CETP: variants seen among roughly 807,000 people sequenced by gnomAD.
The protein encoded by CETP is cholesteryl ester transfer protein.
CETP carries 56 observed loss-of-function variants against 66.5 expected under a neutral mutation model. The observed-to-expected ratio is 0.84, with a 90% CI of 0.68 to 1.05. The LOEUF (loss-of-function observed/expected upper bound fraction) is 1.05, where lower values mean the gene tolerates loss of function less well. Ranked by LOEUF, CETP falls within the 50% of genes least tolerant of loss-of-function variation. CETP has a pLI of 0.00. For synonymous variants in CETP, 251 were observed against 245.7 expected, an observed-to-expected ratio of 1.02 and a Z score of -0.20; for missense variants, 612 against 609.6, an observed-to-expected ratio of 1.00 and a Z score of -0.04.
Position 56,978,105 on chromosome 16 carries a change from C to T in CETP, c.996C>T (p.Phe332=). The T allele has an allele frequency of 6.2e-7, 1 of 1,614,198 alleles. No homozygotes were observed. The highest frequency in any genetic ancestry group is 8.5e-7 in the Non-Finnish European group (1 of 1,180,016). ...QEIFQEVVGG[F]PSQAQVTVHC... ...GTCTTCCACAGGTTGTCGGCGGCTTCCCCAGCCAGGCCCAAGTCACCGTCC... is the reference window on the plus strand; with the variant it reads ...GTCTTCCACAGGTTGTCGGCGGCTTTCCCAGCCAGGCCCAAGTCACCGTCC... Residue 332 remains phenylalanine (F), a synonymous_variant, in exon 11 of 16, where the codon TTC becomes TTT. Coordinates refer to ENST00000200676, the MANE Select transcript of CETP (RefSeq NM_000078.3).
At chr16:56,980,120 C>A (rs935917060) in intron 11 of CETP, among the ~76,000 whole-genome samples, 1 of 152,262 alleles carries the variant, frequency 6.6e-6, no homozygotes, top group African/African-American at 2.4e-5. Flanking sequence ...AACATTGGTG[C>A]ATGACTGTTA....
chr16:56,966,384 G>T (rs1442903383), intron 2 of CETP, among the ~76,000 whole-genome samples: 1 of 152,098 alleles, frequency 6.6e-6, no homozygotes. Context: ...CCTGTCCTCT[G>T]GTTCTCTAGG....
At chr16:56,974,687 A>G (rs1277967603) in intron 9 of CETP, among the ~76,000 whole-genome samples, 1 of 152,252 alleles carries the variant, frequency 6.6e-6, no homozygotes, top group Non-Finnish European at 1.5e-5. Flanking sequence ...TGCAAACAAA[A>G]AAACCACAAA....
At position 56,981,639 on chromosome 16, in the gene CETP, T is replaced by A. The variant is rs1398421305; in HGVS notation, c.1215-8T>A. On this transcript the variant is annotated splice_region_variant and splice_polypyrimidine_tract_variant and intron_variant, in intron 12 of 15. Coordinates refer to ENST00000200676, the MANE Select transcript of CETP (RefSeq NM_000078.3). The stretch of plus-strand genomic sequence containing the variant: ...GAGGGTCAAATTATCATCGCTTTTT[T>A]ATTTCAGGATTACACCAAAGACTGT... The A allele has an allele frequency of 3.7e-6, 6 of 1,613,870 alleles. No homozygotes were observed. Among genetic ancestry groups the A allele is most frequent in the African/African-American group, 1.3e-5 (1 of 74,924 alleles).
chr16:56,980,965 G>T (rs1471796507), intron 11 of CETP, among the ~76,000 whole-genome samples, 193 bp from the exon 12 acceptor site: 1 of 152,126 alleles, frequency 6.6e-6, no homozygotes, highest in African/African-American at 2.4e-5. Context: ...GACTTCTCAG[G>T]TCCTAACCCC....
intron 13 of CETP, 66 bp downstream of exon 13, chr16:56,981,746 G>C (rs1239034429): frequency 6.5e-7 from 1 of 1,538,864 alleles, no homozygotes; most frequent in Non-Finnish European, 9.0e-7. Context: ...AAGAAAGCAG[G>C]CGGAGGGCCC....
At chr16:56,975,177 G>A in intron 10 of CETP, 26 bp downstream of exon 10, 1 of 1,611,754 alleles carries the variant, frequency 6.2e-7, no homozygotes, top group South Asian at 1.1e-5. Flanking sequence ...CCCTGTGTGG[G>A]GTTTATCTCA....
chr16:56,968,182 T>A (rs1369243433), intron 2 of CETP, among the ~76,000 whole-genome samples: 16 of 152,032 alleles, frequency 1.1e-4, no homozygotes, highest in African/African-American at 3.6e-4. Context: ...ACCTGCAACG[T>A]TTTGTCAATC....
Position 56,962,274 on chromosome 16 carries a change from C to T in CETP, c.118+177C>T, listed in dbSNP as rs551210586. On this transcript the variant is annotated intron_variant, in intron 1 of 15. Transcript: ENST00000200676. ...AGCTGTCATCACCCCCTCCTGACCT[C>T]GCCTTCAAGGTCAAGTTCTTTGGTG... 2.6e-5 allele frequency: 19 copies of T among 741,796 alleles called. No homozygotes were observed. In the South Asian group the frequency reaches 2.6e-4, roughly 10 times the overall value. The allele number at this position is 741,796 out of a possible 1,614,324, so 46.0% of individuals were successfully genotyped here.
chr16:56,971,228 G>A (rs953417499), intron 6 of CETP, 93 bp from the exon 7 acceptor site: 135 of 1,523,862 alleles, frequency 8.9e-5, no homozygotes, highest in East Asian at 4.5e-5. Flanking sequence ...CCCCTGTGCC[G>A]GTCCCCAGCA....
chr16:56,968,810 G>A (rs900023280), intron 2 of CETP, among the ~76,000 whole-genome samples: 1 of 149,684 alleles, frequency 6.7e-6, no homozygotes, highest in Non-Finnish European at 1.5e-5. Context: ...TGTTTTCACC[G>A]ATTGTTGTTT....
At position 56,981,180 on chromosome 16, in the gene CETP, C is replaced by A. The variant is rs1355392609; in HGVS notation, c.1169C>A (p.Ala390Asp). 1 of 1,613,664 alleles carries A rather than the reference C, an allele frequency of 6.2e-7. No individual in the cohort carries two copies. Among genetic ancestry groups the A allele is most frequent in the Admixed American group, 1.7e-5 (1 of 60,024 alleles). The change falls in exon 12 of 16, where the codon GCC (alanine) becomes GAC (aspartate). Residue 390 changes from alanine to aspartate, a missense_variant. Transcript: ENST00000200676. Reference protein sequence around the residue: ...FEEDIVTTVQASYSKKKLFLS... With the variant: ...FEEDIVTTVQDSYSKKKLFLS... Reference sequence around the variant, plus strand: ...CAGGATATCGTGACTACCGTCCAGGCCTCCTATTCTAAGAAAAAGCTCTTC... The same window carrying A: ...CAGGATATCGTGACTACCGTCCAGGACTCCTATTCTAAGAAAAAGCTCTTC...
At chr16:56,981,359 GGA>G (rs1280638339) in intron 12 of CETP, 134 bp downstream of exon 12, 21 of 830,700 alleles carry the variant, frequency 2.5e-5, no homozygotes, top group Admixed American at 2.0e-4. Flanking sequence ...CTGACTGCAG[GGA>G]GATAAGACCC....
intron 14 of CETP, 115 bp downstream of exon 14, chr16:56,982,352 T>G: frequency 2.0e-6 from 2 of 1,001,400 alleles, no homozygotes; most frequent in Non-Finnish European, 3.2e-6. Context: ...TCATTGATAC[T>G]TAGCGGTCCT....
At chr16:56,971,447 C>G in intron 7 of CETP, 66 bp downstream of exon 7, 4 of 1,383,480 alleles carry the variant, frequency 2.9e-6, no homozygotes, top group Non-Finnish European at 4.1e-6. Flanking sequence ...ACCTGCTGCA[C>G]TATGTGGCCT....
chr16:56,971,682 T>G (rs1245767001), intron 7 of CETP, among the ~76,000 whole-genome samples: 5 of 152,164 alleles, frequency 3.3e-5, no homozygotes, highest in South Asian at 4.1e-4. Context: ...ATAATTAGAT[T>G]GCTCACATGG....
chr16:56,982,150 G>C lies in CETP; in HGVS notation c.1249-15G>C. The C allele has an allele frequency of 6.2e-7, 1 of 1,613,654 alleles. No homozygotes were observed. The highest frequency in any genetic ancestry group is 8.5e-7 in the Non-Finnish European group (1 of 1,179,614). On this transcript the variant is annotated splice_polypyrimidine_tract_variant and intron_variant, in intron 13 of 15. Coordinates refer to ENST00000200676, the MANE Select transcript of CETP (RefSeq NM_000078.3). ...GTGCTCCAGGGAGGACTCACCATGG[G>C]CATTTGATTGGCAGAGCAGCTCCGA...
intron 10 of CETP, among the ~76,000 whole-genome samples, chr16:56,976,596 A>C (rs1473537724): frequency 2.0e-5 from 3 of 151,006 alleles, no homozygotes; most frequent in African/African-American, 7.3e-5. Context: ...CTCAGTGCTG[A>C]AATTACAGGT....
Position 56,969,644 on chromosome 16 carries a change from C to A in CETP, c.402C>A (p.Ile134=), listed in dbSNP as rs143400682. The A allele has an allele frequency of 2.5e-6, 4 of 1,613,956 alleles. No individual in the cohort carries two copies. The highest frequency in any genetic ancestry group is 4.5e-5 in the East Asian group (2 of 44,878). Residue 134 remains isoleucine (I), a synonymous_variant, in exon 4 of 16, where the codon ATC becomes ATA. Transcript: ENST00000200676. The stretch of plus-strand genomic sequence containing the variant: ...TTGATCAGTCCATTGACTTCGAGAT[C>A]GACTCTGCCATTGACCTCCAGATCA... ...LGIDQSIDFE[I]DSAIDLQINT...
Sources: allele counts gnomAD v4.1 joint callset (sites outside exome capture counted in the v4.1 genomes callset), GRCh38; gene constraint gnomAD v4.1.1; transcripts MANE v1.5; gene names NCBI Gene and HGNC (gene_info 2026-07-23, HGNC 2026-07-21).